The following CADM2 variants were observed in gnomAD, a reference collection of about 807,000 sequenced individuals.
CADM2 encodes the protein cell adhesion molecule 2.
CADM2 carries 12 observed loss-of-function variants against 49.8 expected under a neutral mutation model. The ratio of observed to expected loss-of-function variants is 0.24; its 90% CI spans 0.15 to 0.39. CADM2 has a LOEUF of 0.39. CADM2 is among the 10% of genes least tolerant of loss of function. The pLI, the probability that CADM2 is intolerant of heterozygous loss-of-function variation, is 1.00. For missense variants in CADM2, 378 were observed against 492.3 expected, an observed-to-expected ratio of 0.77 and a Z score of 2.20; for synonymous variants, 214 against 175.4, an observed-to-expected ratio of 1.22 and a Z score of -1.74.
At chr3:85,506,047 A>G (rs1260630281) in intron 1 of CADM2, among the ~76,000 whole-genome samples, 2 of 152,314 alleles carry the variant, frequency 1.3e-5, no homozygotes, top group Non-Finnish European at 2.9e-5. Context: ...AAGACAATTA[A>G]AACTTGCATT....
At chr3:85,696,209 A>G (rs957795690) in intron 1 of CADM2, among the ~76,000 whole-genome samples, 6 of 152,042 alleles carry the variant, frequency 3.9e-5, no homozygotes, top group African/African-American at 1.2e-4. Context: ...CTCCCAATCC[A>G]CTTGTTATCT....
intron 3 of CADM2, among the ~76,000 whole-genome samples, chr3:85,821,376 A>C (rs1237475507): frequency 3.3e-5 from 5 of 152,160 alleles, no homozygotes; most frequent in Admixed American, 6.6e-5. Context: ...TATCTGCAGA[A>C]GCCTCTAAGA....
chr3:86,029,136 G>A (rs180817559), intron 8 of CADM2, among the ~76,000 whole-genome samples: 1 of 152,140 alleles, frequency 6.6e-6, no homozygotes, highest in African/African-American at 2.4e-5. Flanking sequence ...GAACATTCTT[G>A]TGATGGGCCT....
intron 8 of CADM2, among the ~76,000 whole-genome samples, chr3:86,041,739 C>G (rs915340021): frequency 5.3e-5 from 8 of 152,302 alleles, no homozygotes; most frequent in African/African-American, 1.9e-4. Flanking sequence ...ACATAATAGA[C>G]ATCTACAGAA....
At chr3:84,970,383 T>C (rs545881844) in intron 1 of CADM2, among the ~76,000 whole-genome samples, 1 of 151,752 alleles carries the variant, frequency 6.6e-6, no homozygotes, top group East Asian at 1.9e-4. Context: ...GAGAAAAGAC[T>C]CTACAATTTG....
At chr3:85,614,752 T>C (rs1237789427) in intron 1 of CADM2, among the ~76,000 whole-genome samples, 1 of 151,948 alleles carries the variant, frequency 6.6e-6, no homozygotes, top group African/African-American at 2.4e-5. Context: ...GTAAAGACAG[T>C]GTTGACTCTA....
chr3:85,303,280 G>T (rs1373974717), intron 1 of CADM2, among the ~76,000 whole-genome samples: 1 of 151,862 alleles, frequency 6.6e-6, no homozygotes, highest in African/African-American at 2.4e-5. Flanking sequence ...CTTCCTCCCC[G>T]GTTCTGCAGT....
In CADM2 at chr3:85,989,787, C is replaced by T. The variant is rs534836354; in HGVS notation, c.970+28140C>T. The stretch of plus-strand genomic sequence containing the variant: ...CAGCACTTTTGGAGGCTGAGGCAGG[C>T]GATCACCTGAGGTCAGGAGTTCAAG... On this transcript the variant is annotated intron_variant, in intron 8 of 9. Transcript: ENST00000383699. 2.6e-4 allele frequency among the ~76,000 whole-genome samples: 40 copies of T among 151,710 alleles called. No homozygotes were observed. In the East Asian group the frequency reaches 4.5e-3, roughly 17 times the overall value.
chr3:85,201,013 C>G (rs2041485378), intron 1 of CADM2, among the ~76,000 whole-genome samples: 1 of 152,106 alleles, frequency 6.6e-6, no homozygotes, highest in Non-Finnish European at 1.5e-5. Context: ...ATCAATATCC[C>G]TGTGATAAGT....
chr3:86,038,592 G>T (rs1177356079), intron 8 of CADM2, among the ~76,000 whole-genome samples: 1 of 152,108 alleles, frequency 6.6e-6, no homozygotes, highest in East Asian at 1.9e-4. Flanking sequence ...CCAGCAGTTT[G>T]GTGTCCAAAC....
At chr3:85,897,426 C>T (rs1341973742) in intron 5 of CADM2, among the ~76,000 whole-genome samples, 4 of 148,916 alleles carry the variant, frequency 2.7e-5, no homozygotes, top group South Asian at 2.1e-4. Flanking sequence ...CCCGCCACCG[C>T]GCCCGGCTAA....
Position 85,140,047 on chromosome 3 carries a change from T to G in CADM2, c.61+180379T>G, listed in dbSNP as rs149813410. ...GGATAGGGAAGGCTGTTAGCAGATA[T>G]AATTGCCTAATGATGATATGCTATA... On this transcript the variant is annotated intron_variant, in intron 1 of 9. Transcript: ENST00000383699. Among the ~76,000 whole-genome samples, 355 of 152,234 alleles carry G rather than the reference T, an allele frequency of 2.3e-3. 2 individuals are homozygous for G. Among genetic ancestry groups the G allele is most frequent in the African/African-American group, 8.1e-3 (338 of 41,544 alleles).
At chr3:85,152,828 G>C (rs1044529616) in intron 1 of CADM2, among the ~76,000 whole-genome samples, 11 of 151,900 alleles carry the variant, frequency 7.2e-5, no homozygotes, top group Non-Finnish European at 1.3e-4. Flanking sequence ...TGCCGGGCGT[G>C]GTGGCGGGTG....
At chr3:85,198,854 C>G (rs571553644) in intron 1 of CADM2, among the ~76,000 whole-genome samples, 2 of 151,882 alleles carry the variant, frequency 1.3e-5, no homozygotes, top group East Asian at 3.9e-4. Flanking sequence ...ATATTAAAGA[C>G]TTAGAATACC....
chr3:86,039,511 T>G lies in CADM2; in HGVS notation c.971-26094T>G, dbSNP rs184136014. ...CTAGCACAGCAGTCTGACATCAAACTGCAAGGTGGCAGCGAGGCTGGGGGA... is the reference window on the plus strand; with the variant it reads ...CTAGCACAGCAGTCTGACATCAAACGGCAAGGTGGCAGCGAGGCTGGGGGA... On this transcript the variant is annotated intron_variant, in intron 8 of 9. Transcript: ENST00000383699. 4.3e-3 allele frequency among the ~76,000 whole-genome samples: 660 copies of G among 152,232 alleles called. 10 individuals carry two copies. Among genetic ancestry groups the G allele is most frequent in the African/African-American group, 0.014 (592 of 41,552 alleles).
intron 1 of CADM2, among the ~76,000 whole-genome samples, chr3:85,219,300 T>A (rs1260052774): frequency 6.6e-6 from 1 of 152,182 alleles, no homozygotes; most frequent in African/African-American, 2.4e-5. Flanking sequence ...TAATATTTGA[T>A]GGATTGAGAG....
At chr3:85,404,312 C>T (rs947389007) in intron 1 of CADM2, among the ~76,000 whole-genome samples, 1 of 151,974 alleles carries the variant, frequency 6.6e-6, no homozygotes, top group Admixed American at 6.6e-5. Flanking sequence ...CTAATGACAA[C>T]TTTAATGATT....
intron 1 of CADM2, among the ~76,000 whole-genome samples, chr3:85,624,337 T>C (rs1349451924): frequency 6.6e-6 from 1 of 152,214 alleles, no homozygotes; most frequent in South Asian, 2.1e-4. Flanking sequence ...AGAAACTCTT[T>C]TTTAATTTTT....
At chr3:85,337,032 T>TAC (rs2107176757) in intron 1 of CADM2, among the ~76,000 whole-genome samples, 2 of 138,572 alleles carry the variant, frequency 1.4e-5, no homozygotes, top group South Asian at 4.3e-4. Context: ...TAAATATAAA[T>TAC]ATATATATAT....
Sources: gnomAD v4.1 joint callset for allele counts (sites outside exome capture counted in the v4.1 genomes callset) on GRCh38, gnomAD v4.1.1 for gene constraint, MANE v1.5 for transcripts, NCBI Gene and HGNC (gene_info 2026-07-23, HGNC 2026-07-21) for gene names.